Variants in GRID2IP observed in about 807,000 individuals in gnomAD.
GRID2IP encodes delphilin.
GRID2IP carries 78 observed loss-of-function variants against 114.3 expected under a neutral mutation model. The observed-to-expected ratio is 0.68, with a 90% confidence interval of 0.57 to 0.82. The LOEUF (loss-of-function observed/expected upper bound fraction) is 0.82, where lower values mean the gene tolerates loss of function less well. GRID2IP is among the 40% of genes least tolerant of loss of function. The probability of loss-of-function intolerance (pLI) is 0.00; values close to 1 mark genes in which losing one functional copy is unlikely to be tolerated. For missense variants in GRID2IP, 1,727 were observed against 1,678.5 expected, an observed-to-expected ratio of 1.03 and a Z score of -0.51; for synonymous variants, 809 against 724.0, an observed-to-expected ratio of 1.12 and a Z score of -1.89.
At chr7:6,502,378 T>C (rs1786440682) in intron 18 of GRID2IP, among the ~76,000 whole-genome samples, 1 of 152,068 alleles carries the variant, frequency 6.6e-6, no homozygotes, top group Non-Finnish European at 1.5e-5. Flanking sequence ...GCCTGTGACA[T>C]GCCTAGCTAA....
At chr7:6,502,981 G>C (rs900367956) in intron 17 of GRID2IP, 27 bp downstream of exon 17, 120 of 1,551,126 alleles carry the variant, frequency 7.7e-5, no homozygotes, top group Non-Finnish European at 9.9e-5. Context: ...AAGCAGATAG[G>C]GTGCCAGGAA....
intron 1 of GRID2IP, among the ~76,000 whole-genome samples, chr7:6,544,698 C>T (rs1430598128): frequency 6.6e-6 from 1 of 152,172 alleles, no homozygotes; most frequent in African/African-American, 2.4e-5. Flanking sequence ...TGCCTATAAT[C>T]CCAGAGCTTT....
intron 1 of GRID2IP, 72 bp from the exon 2 acceptor site, chr7:6,539,944 C>T: frequency 7.2e-7 from 1 of 1,391,224 alleles, no homozygotes; most frequent in South Asian, 1.4e-5. Context: ...TCTCCTCCTT[C>T]CTTTCCTCCC....
In GRID2IP at chr7:6,523,700, C is replaced by A. The variant is rs561283254; in HGVS notation, c.920-1743G>T. ...CCTCCCACCCCAGCCTCCAGAGTAG[C>A]TGGGACTACAGGCATGTGCCTCACT... On this transcript the variant is annotated intron_variant, in intron 4 of 21. Transcript: ENST00000457091. This position sits in a 1 kb window ranked among gnomAD's most constrained non-coding sequence, Gnocchi z 4.5. Among the ~76,000 whole-genome samples the A allele has an allele frequency of 1.8e-4, 27 of 152,294 alleles. No homozygotes were observed. Among genetic ancestry groups the A allele is most frequent in the African/African-American group, 5.5e-4 (23 of 41,554 alleles).
rs764037053 is a variant in GRID2IP at position 6,511,056 on chromosome 7, G to A, written c.1424-17C>T. ...CCGGCTCTGCTGTGGGACATGCAGG[G>A]AACATGGGGCCCTCTTGCCCTCTCA... On this transcript the variant is annotated splice_polypyrimidine_tract_variant and intron_variant, in intron 8 of 21. Transcript: ENST00000457091. 4 of 1,402,154 alleles carry A rather than the reference G, an allele frequency of 2.9e-6. No individual in the cohort carries two copies. In the South Asian group the frequency reaches 6.3e-5, roughly 22 times the overall value. 86.9% of individuals were successfully genotyped at this position (1,402,154 alleles called of 1,614,324 possible). A position where few individuals can be genotyped will look rare whatever the true frequency, so the allele number is the denominator to read the frequency against.
In GRID2IP at chr7:6,520,780, GGAGA is replaced by G; in HGVS notation, c.1085-23_1085-20del. 1 of 1,543,722 alleles carries G rather than the reference GGAGA, an allele frequency of 6.5e-7. No individual in the cohort carries two copies. Among genetic ancestry groups the G allele is most frequent in the Non-Finnish European group, 8.8e-7 (1 of 1,141,354 alleles). The stretch of plus-strand genomic sequence containing the variant: ...TCGGAGTCTGCTGGGACCACAGGCG[GGAGA>G]GGCATGAGTGACTCAGAGTCCCCAG... On this transcript the variant is annotated intron_variant, in intron 6 of 21. Transcript: ENST00000457091. This position sits in a 1 kb window ranked among gnomAD's most constrained non-coding sequence, Gnocchi z 4.6.
chr7:6,550,996 C>T lies in GRID2IP; in HGVS notation c.429+12G>A. 1 of 1,239,896 alleles carries T rather than the reference C, an allele frequency of 8.1e-7. No individual in the cohort carries two copies. Among genetic ancestry groups the T allele is most frequent in the Non-Finnish European group, 1.0e-6 (1 of 990,440 alleles). 76.8% of individuals were successfully genotyped at this position (1,239,896 alleles called of 1,614,324 possible). A position where few individuals can be genotyped will look rare whatever the true frequency, so the allele number is the denominator to read the frequency against. ...CTCCTTCCCGCCCCCACCTCCCACCCCCGCGCCTTACCTTGCGGCTGAACT... is the reference window on the plus strand; with the variant it reads ...CTCCTTCCCGCCCCCACCTCCCACCTCCGCGCCTTACCTTGCGGCTGAACT... On this transcript the variant is annotated intron_variant, in intron 1 of 21. Coordinates refer to ENST00000457091, the MANE Select transcript of GRID2IP (RefSeq NM_001145118.2).
chr7:6,508,275 G>A lies in GRID2IP; in HGVS notation c.2254C>T (p.Pro752Ser), dbSNP rs1274888092. ...GGCGGTGGTGGGGGGCTGAGCGGGG[G>A]TGGGGGGATGTGGTCAGAGATGGAG... ...YSSISDHIPPPPLSPPPPPPL... is the reference protein window; with the variant it reads ...YSSISDHIPPSPLSPPPPPPL... Residue 752 changes from proline (P) to serine (S), a missense_variant, in exon 13 of 22, where the codon CCC becomes TCC. Pro to Ser is a moderately conservative substitution (Grantham distance 74). Coordinates refer to ENST00000457091, the MANE Select transcript of GRID2IP (RefSeq NM_001145118.2). The surrounding 1 kb of genome is among the most constrained non-coding windows in gnomAD (Gnocchi z 5.6). 9 of 1,532,798 alleles carry A rather than the reference G, an allele frequency of 5.9e-6. No individual in the cohort carries two copies. The highest frequency in any genetic ancestry group is 7.9e-6 in the Non-Finnish European group (9 of 1,137,574). The allele number at this position is 1,532,798 out of a possible 1,614,324, so 94.9% of individuals were successfully genotyped here. A position where few individuals can be genotyped will look rare whatever the true frequency, so the allele number is the denominator to read the frequency against.
rs981069692 is a variant in GRID2IP, at chr7:6,521,746, C to G, written c.989+142G>C. The G allele has an allele frequency of 2.9e-6, 2 of 700,150 alleles. No homozygotes were observed. The highest frequency in any genetic ancestry group is 3.6e-5 in the African/African-American group (2 of 55,906). 43.4% of individuals were successfully genotyped at this position (700,150 alleles called of 1,614,324 possible). ...AGGAGGAGGGTTAGATTCAAGAGTT[C>G]CCATTGGAAGAGGGACAGACCCTGG... On this transcript the variant is annotated intron_variant, in intron 5 of 21. Transcript: ENST00000457091. This position sits in a 1 kb window ranked among gnomAD's most constrained non-coding sequence, Gnocchi z 4.1.
At position 6,497,415 on chromosome 7, in the gene GRID2IP, T is replaced by A; in HGVS notation, c.*359A>T. On this transcript the variant is annotated 3_prime_UTR_variant, in exon 22 of 22. Coordinates refer to ENST00000457091, the MANE Select transcript of GRID2IP (RefSeq NM_001145118.2). ...TCACAGGGACCCACTAGGAGCAGGA[T>A]CAGAAAAAAGGTCCACATGTCCCAG... 1 of 185,530 alleles carries A rather than the reference T, an allele frequency of 5.4e-6. No homozygotes were observed. The highest frequency in any genetic ancestry group is 1.4e-4 in the East Asian group (1 of 7,310). The allele number at this position is 185,530 out of a possible 1,614,324, so 11.5% of individuals were successfully genotyped here. A position where few individuals can be genotyped will look rare whatever the true frequency, so the allele number is the denominator to read the frequency against.
intron 2 of GRID2IP, among the ~76,000 whole-genome samples, chr7:6,535,074 AG>A (rs1297130413): frequency 1.3e-5 from 2 of 152,152 alleles, no homozygotes; most frequent in African/African-American, 4.8e-5. Flanking sequence ...TAGTAGTGAC[AG>A]GGTTTCTCCA....
At chr7:6,510,203 G>T in intron 11 of GRID2IP, 80 bp downstream of exon 11, 1 of 910,600 alleles carries the variant, frequency 1.1e-6, no homozygotes. Context: ...GACCCTGATG[G>T]AGCAGAGAAG....
chr7:6,503,752 G>T, intron 15 of GRID2IP, 65 bp from the exon 16 acceptor site: 1 of 1,261,170 alleles, frequency 7.9e-7, no homozygotes, highest in Non-Finnish European at 1.1e-6. Flanking sequence ...ACCCAAGACG[G>T]AGAGGGCAGG....
At chr7:6,545,237 C>CTCAGTGATCACATGAT (rs760139023) in intron 1 of GRID2IP, among the ~76,000 whole-genome samples, 2 of 152,078 alleles carry the variant, frequency 1.3e-5, no homozygotes, top group Non-Finnish European at 2.9e-5. Flanking sequence ...CATGATCACA[C>CTCAGTGATCACATGAT]CACTGAGCTC....
At chr7:6,501,957 C>CCT (rs1562510430) in intron 19 of GRID2IP, 32 bp downstream of exon 19, 1 of 1,550,778 alleles carries the variant, frequency 6.4e-7, no homozygotes, top group Admixed American at 2.0e-5. Context: ...GGACAGCATG[C>CCT]CTCTGCCTCC....
intron 2 of GRID2IP, 34 bp downstream of exon 2, chr7:6,539,684 C>T (rs1394899405): frequency 2.0e-6 from 3 of 1,516,854 alleles, no homozygotes; most frequent in Non-Finnish European, 1.8e-6. Flanking sequence ...TGAGACCCAC[C>T]CTGCCTGTCT....
chr7:6,545,036 G>A (rs1482089298), intron 1 of GRID2IP, among the ~76,000 whole-genome samples: 1 of 152,102 alleles, frequency 6.6e-6, no homozygotes, highest in African/African-American at 2.4e-5. Context: ...GCAGTAAGCC[G>A]AGATCGCGCC....
intron 1 of GRID2IP, among the ~76,000 whole-genome samples, chr7:6,547,983 T>C (rs1296021289): frequency 6.6e-6 from 1 of 152,180 alleles, no homozygotes; most frequent in Non-Finnish European, 1.5e-5. Context: ...CAGATTCCCT[T>C]CCACGGAGGA....
intron 15 of GRID2IP, 48 bp from the exon 16 acceptor site, chr7:6,503,735 G>A (rs1196730607): frequency 1.5e-6 from 2 of 1,375,260 alleles, no homozygotes; most frequent in Non-Finnish European, 1.9e-6. Flanking sequence ...GAGCGGGGCC[G>A]GATGGGACCC....
Sources: allele counts gnomAD v4.1 joint callset (sites outside exome capture counted in the v4.1 genomes callset), GRCh38; gene constraint gnomAD v4.1.1; non-coding constraint Gnocchi (gnomAD v3.1); transcripts MANE v1.5; gene names NCBI Gene and HGNC (gene_info 2026-07-23, HGNC 2026-07-21).